Variants in TMC1 observed in about 807,000 individuals in gnomAD.
TMC1 encodes the protein transmembrane channel-like protein 1.
In TMC1, 84 loss-of-function variants were observed where a neutral mutation model predicts 105.8. The observed-to-expected ratio is 0.79, with a 90% CI of 0.67 to 0.95. TMC1 has a LOEUF of 0.95. TMC1 is among the 40% of genes least tolerant of loss of function. TMC1 has a pLI of 0.00. For missense variants in TMC1, 817 were observed against 914.1 expected, an observed-to-expected ratio of 0.89 and a Z score of 1.37; for synonymous variants, 315 against 311.5, an observed-to-expected ratio of 1.01 and a Z score of -0.12.
intron 2 of TMC1, among the ~76,000 whole-genome samples, chr9:72,596,836 AAAG>A (rs1283602528): frequency 2.0e-5 from 3 of 152,218 alleles, no homozygotes; most frequent in African/African-American, 7.2e-5. Context: ...AAGAAAGAAA[AAAG>A]AAGGGAAAAA....
chr9:72,679,861 C>A (rs1220185616), intron 5 of TMC1, among the ~76,000 whole-genome samples: 1 of 151,972 alleles, frequency 6.6e-6, no homozygotes, highest in Non-Finnish European at 1.5e-5. Context: ...TGGAGTATGC[C>A]TATTTCACAG....
intron 12 of TMC1, among the ~76,000 whole-genome samples, chr9:72,767,000 T>A (rs1588073348): frequency 6.6e-6 from 1 of 152,140 alleles, no homozygotes; most frequent in South Asian, 2.1e-4. Flanking sequence ...TTAGTTGAGG[T>A]TTATTCTGGG....
intron 2 of TMC1, among the ~76,000 whole-genome samples, chr9:72,606,823 C>T (rs981230119): frequency 1.3e-5 from 2 of 152,126 alleles, no homozygotes; most frequent in South Asian, 2.1e-4. Context: ...TTTGCACTTA[C>T]AACTTGTAAC....
intron 1 of TMC1, among the ~76,000 whole-genome samples, chr9:72,559,098 C>CT (rs1188064763): frequency 0.025 from 3,541 of 142,300 alleles, 137 homozygotes; most frequent in African/African-American, 0.081. Flanking sequence ...GAAGATTTTT[C>CT]TTTTTTTTTT....
At position 72,787,980 on chromosome 9, in the gene TMC1, G is replaced by A. The variant is rs1026711492; in HGVS notation, c.885-359G>A. On this transcript the variant is annotated intron_variant, in intron 13 of 23. Coordinates refer to ENST00000297784, the MANE Select transcript of TMC1 (RefSeq NM_138691.3). ...TATATGTTTCTTTTCCCCTGGGGAG[G>A]GATTCAATAGATTTCATCGTATTCT... 2.6e-5 allele frequency among the ~76,000 whole-genome samples: 4 copies of A among 152,012 alleles called. No homozygotes were observed. In the South Asian group the frequency reaches 8.3e-4, roughly 32 times the overall value.
At chr9:72,823,866 T>A (rs1006299548) in intron 20 of TMC1, among the ~76,000 whole-genome samples, 45 of 152,346 alleles carry the variant, frequency 3.0e-4, no homozygotes, top group Middle Eastern at 3.4e-3. Context: ...AACCTAAACA[T>A]TGTAGAAATA....
chr9:72,714,521 C>T (rs1265214485), intron 8 of TMC1, among the ~76,000 whole-genome samples: 2 of 151,988 alleles, frequency 1.3e-5, no homozygotes, highest in African/African-American at 4.8e-5. Flanking sequence ...TTATGTAATG[C>T]TCTTCTTTGT....
chr9:72,632,012 G>A (rs946003420), intron 4 of TMC1, among the ~76,000 whole-genome samples: 7 of 152,200 alleles, frequency 4.6e-5, no homozygotes, highest in Admixed American at 3.3e-4. Context: ...TTGCATTGCT[G>A]TAAAGAAATA....
chr9:72,643,457 C>T (rs1386206603), intron 4 of TMC1, among the ~76,000 whole-genome samples: 1 of 152,080 alleles, frequency 6.6e-6, no homozygotes, highest in Non-Finnish European at 1.5e-5. Context: ...ATCTCAGTTT[C>T]CTTGTGTCTT....
intron 4 of TMC1, among the ~76,000 whole-genome samples, chr9:72,644,815 A>C (rs1422877082): frequency 6.6e-6 from 1 of 152,202 alleles, no homozygotes; most frequent in African/African-American, 2.4e-5. Flanking sequence ...ATTCTTTTGC[A>C]TCAAAGTAAA....
chr9:72,661,778 A>G (rs1202913307), intron 5 of TMC1, among the ~76,000 whole-genome samples: 1 of 152,178 alleles, frequency 6.6e-6, no homozygotes, highest in Non-Finnish European at 1.5e-5. Context: ...ATTAAATTAC[A>G]TTTTGTTAGG....
chr9:72,652,909 T>C (rs1825834975), intron 5 of TMC1, among the ~76,000 whole-genome samples: 1 of 152,214 alleles, frequency 6.6e-6, no homozygotes. Flanking sequence ...GTTGCTATAC[T>C]GTCTTTGGCC....
intron 8 of TMC1, among the ~76,000 whole-genome samples, chr9:72,716,054 C>T (rs1281514290): frequency 6.6e-6 from 1 of 152,204 alleles, no homozygotes; most frequent in East Asian, 1.9e-4. Context: ...TGGAGGTCCA[C>T]TCCAGACCCT....
At chr9:72,681,863 T>A (rs1249977044) in intron 5 of TMC1, among the ~76,000 whole-genome samples, 3 of 152,146 alleles carry the variant, frequency 2.0e-5, no homozygotes, top group Non-Finnish European at 4.4e-5. Flanking sequence ...TCCTGTTCTA[T>A]TTATCAACTA....
At chr9:72,821,820 GAGAC>G (rs553118065) in intron 20 of TMC1, among the ~76,000 whole-genome samples, 4 of 152,148 alleles carry the variant, frequency 2.6e-5, no homozygotes, top group Non-Finnish European at 4.4e-5. Flanking sequence ...GAGAGAGAGA[GAGAC>G]AGACAGAGAG....
chr9:72,646,142 CTA>C (rs373026303), intron 4 of TMC1, among the ~76,000 whole-genome samples: 4 of 152,226 alleles, frequency 2.6e-5, no homozygotes, highest in South Asian at 2.1e-4. Flanking sequence ...ATTGTTGTGA[CTA>C]TTGCATAATT....
rs980412915 is a variant in TMC1, at chr9:72,740,089, T to C, written c.363-30T>C. 5 of 1,569,750 alleles carry C rather than the reference T, an allele frequency of 3.2e-6. No homozygotes were observed. The African/African-American group carries it at 6.7e-5, about 21-fold the overall frequency. On this transcript the variant is annotated intron_variant, in intron 8 of 23. Coordinates refer to ENST00000297784, the MANE Select transcript of TMC1 (RefSeq NM_138691.3). ...TCTAGTCATTGCAACTCACCTCCTT[T>C]TATCCCTTATGTTATTTTTATTTTC...
At chr9:72,583,574 A>G (rs1201554794) in intron 2 of TMC1, among the ~76,000 whole-genome samples, 2 of 152,224 alleles carry the variant, frequency 1.3e-5, no homozygotes, top group African/African-American at 4.8e-5. Flanking sequence ...CTTTTGTTTC[A>G]AAAGGAAGTG....
intron 4 of TMC1, among the ~76,000 whole-genome samples, chr9:72,643,690 T>C (rs972194395): frequency 1.3e-5 from 2 of 152,326 alleles, no homozygotes; most frequent in South Asian, 2.1e-4. Context: ...AATTTATTCA[T>C]TTGTGAATGG....
Sources: allele counts gnomAD v4.1 joint callset (sites outside exome capture counted in the v4.1 genomes callset), GRCh38; gene constraint gnomAD v4.1.1; transcripts MANE v1.5; gene names NCBI Gene and HGNC (gene_info 2026-07-23, HGNC 2026-07-21).